MTOR: variants seen among roughly 807,000 people sequenced by gnomAD.
MTOR encodes serine/threonine-protein kinase mTOR.
Under a neutral mutation model 319.8 loss-of-function variants are expected in MTOR, and 70 were observed. The ratio of observed to expected loss-of-function variants is 0.22; its 90% CI spans 0.18 to 0.27. The LOEUF (loss-of-function observed/expected upper bound fraction) is 0.27. Ranked by LOEUF, MTOR falls within the 10% of genes least tolerant of loss-of-function variation. MTOR has a pLI of 1.00. For missense variants in MTOR, 1,890 were observed against 3,274.4 expected (o/e 0.58, Z 10.32); for synonymous variants, 1,183 against 1,211.4 (o/e 0.98, Z 0.49).
intron 19 of MTOR, among the ~76,000 whole-genome samples, chr1:11,223,808 G>A (rs1646743835): frequency 6.6e-6 from 1 of 152,132 alleles, no homozygotes; most frequent in Non-Finnish European, 1.5e-5. Flanking sequence ...GGGAGGCCGA[G>A]ACGGGTGGAT....
At chr1:11,253,580 C>T (rs1046402159) in intron 6 of MTOR, among the ~76,000 whole-genome samples, 3 of 152,166 alleles carry the variant, frequency 2.0e-5, no homozygotes, top group East Asian at 1.9e-4. Context: ...TCCTTCGTGT[C>T]ATGTGGACCC....
Position 11,238,044 on chromosome 1 carries a change from AG to A in MTOR, c.2006del (p.Pro669LeufsTer32). On this transcript the variant is annotated frameshift_variant, in exon 13 of 58. Transcript: ENST00000361445. LOFTEE classifies it high-confidence loss of function. ...ACGCCAAGACACAGTAGCGAATGTC[AG>A]GGTCTGCAAGAGCAATGGAGCCTTT... Reference protein sequence around the residue: ...LLVVGITDPDPDIRYCVLASL... With the variant: ...LLVVGITDPDXDIRYCVLASL... 1 of 1,614,176 alleles carries A rather than the reference AG, an allele frequency of 6.2e-7. No individual in the cohort carries two copies. The highest frequency in any genetic ancestry group is 8.5e-7 in the Non-Finnish European group (1 of 1,180,012).
At chr1:11,226,916 C>T (rs529007382) in intron 19 of MTOR, among the ~76,000 whole-genome samples, 10 of 136,858 alleles carry the variant, frequency 7.3e-5, no homozygotes, top group Admixed American at 6.8e-4. Context: ...TTTTCTTCCC[C>T]CCACCCCCGC....
At chr1:11,223,251 C>T (rs756912377) in intron 19 of MTOR, among the ~76,000 whole-genome samples, 1 of 151,218 alleles carries the variant, frequency 6.6e-6, no homozygotes, top group Admixed American at 6.6e-5. Flanking sequence ...CAGATGTAGA[C>T]CTTATATAGA....
rs368312220 is a variant in MTOR at position 11,251,511 on chromosome 1, T to A, written c.840+2328A>T. 3.2e-4 allele frequency among the ~76,000 whole-genome samples: 48 copies of A among 152,346 alleles called. No individual in the cohort carries two copies. The South Asian group carries it at 7.9e-3, about 25-fold the overall frequency. ...CTTGTATATTATCTATCTTCCCTTA[T>A]AAGAATGGAATCTATTTTGTTCACT... is the stretch of plus-strand genomic sequence containing the variant. On this transcript the variant is annotated intron_variant, in intron 6 of 57. Coordinates refer to ENST00000361445, the MANE Select transcript of MTOR (RefSeq NM_004958.4).
intron 28 of MTOR, chr1:11,194,964 T>A: frequency 1.9e-6 from 3 of 1,614,080 alleles, no homozygotes; most frequent in Non-Finnish European, 2.5e-6. Context: ...CTGGCATGGA[T>A]CTACCTACTC....
rs1246053299 is a variant in MTOR, at chr1:11,212,495, C to T, written c.3399-21G>A. On this transcript the variant is annotated intron_variant, in intron 22 of 57. Transcript: ENST00000361445. The surrounding 1 kb of genome is among the most constrained non-coding windows in gnomAD (Gnocchi z 4.1). ...CTGCCCTACAACAATCACTAACATA[C>T]AGTAACTGCTAACATACAATCTCCA... 1 of 1,606,996 alleles carries T rather than the reference C, an allele frequency of 6.2e-7. No individual in the cohort carries two copies. Among genetic ancestry groups the T allele is most frequent in the Non-Finnish European group, 8.5e-7 (1 of 1,177,076 alleles).
chr1:11,109,759 A>G lies in MTOR; in HGVS notation c.7367-30T>C. The G allele has an allele frequency of 1.2e-6, 2 of 1,600,450 alleles. No homozygotes were observed. The highest frequency in any genetic ancestry group is 1.7e-6 in the Non-Finnish European group (2 of 1,167,492). ...GGGAAAAGAAATCAATTAACAGAAA[A>G]TTCAAACACCAAAAAGCCACTGTTG... On this transcript the variant is annotated intron_variant, in intron 54 of 57. Transcript: ENST00000361445. The surrounding 1 kb of genome is among the most constrained non-coding windows in gnomAD (Gnocchi z 4.0).
chr1:11,157,182 C>A lies in MTOR; in HGVS notation c.4439G>T (p.Arg1480Leu), dbSNP rs780930764. 1 of 1,611,812 alleles carries A rather than the reference C, an allele frequency of 6.2e-7. No individual in the cohort carries two copies. The highest frequency in any genetic ancestry group is 8.5e-7 in the Non-Finnish European group (1 of 1,178,864). The change falls in exon 30 of 58, where the codon CGC (arginine) becomes CTC (leucine). Residue 1480 changes from arginine to leucine, a missense_variant. Physicochemically the swap from Arg to Leu is moderately radical, Grantham distance 102. This residue lies in a region of MTOR where 276 missense variants were observed against 459.4 expected (regional missense o/e 0.60). Coordinates refer to ENST00000361445, the MANE Select transcript of MTOR (RefSeq NM_004958.4). ...NKDDPELMLG[R>L]MRCLEALGEW... ...CCCCAAGGCCTCGAGGCAGCGCATG[C>A]GGCCCAGCATCAGCTCTGGGTCGTC...
intron 29 of MTOR, among the ~76,000 whole-genome samples, chr1:11,160,245 T>A (rs550052022): frequency 9.2e-5 from 14 of 152,166 alleles, no homozygotes; most frequent in South Asian, 2.1e-4. Context: ...TGATTACAGG[T>A]ATGCACCACC....
At position 11,146,662 on chromosome 1, in the gene MTOR, A is replaced by G. The variant is rs1557773033; in HGVS notation, c.4686+14T>C. 1.9e-6 allele frequency: 3 copies of G among 1,599,384 alleles called. No individual in the cohort carries two copies. Among genetic ancestry groups the G allele is most frequent in the Middle Eastern group, 3.3e-4 (2 of 6,046 alleles). On this transcript the variant is annotated intron_variant, in intron 32 of 57. Coordinates refer to ENST00000361445, the MANE Select transcript of MTOR (RefSeq NM_004958.4). ...TTTCCTCACTGAGAGATCTGGGTGCATGTAGGTTTTTACCTGTTGTGCCAA... is the reference window on the plus strand; with the variant it reads ...TTTCCTCACTGAGAGATCTGGGTGCGTGTAGGTTTTTACCTGTTGTGCCAA...
intron 11 of MTOR, among the ~76,000 whole-genome samples, chr1:11,239,284 T>C (rs1647653727): frequency 6.6e-6 from 1 of 152,218 alleles, no homozygotes; most frequent in African/African-American, 2.4e-5. Context: ...TTACCTTGCC[T>C]CTTTTAGTTC....
chr1:11,184,137 G>T (rs368968663), intron 28 of MTOR, among the ~76,000 whole-genome samples: 3 of 152,174 alleles, frequency 2.0e-5, no homozygotes, highest in African/African-American at 7.2e-5. Context: ...AAATACCTTG[G>T]TTATTTAACC....
intron 47 of MTOR, among the ~76,000 whole-genome samples, chr1:11,124,106 A>C (rs978454966): frequency 6.6e-6 from 1 of 152,090 alleles, no homozygotes; most frequent in Non-Finnish European, 1.5e-5. Flanking sequence ...AATTTTTTTA[A>C]ATAAATAGTG....
intron 6 of MTOR, 21 bp downstream of exon 6, chr1:11,253,818 C>T (rs770073568): frequency 1.1e-5 from 17 of 1,613,816 alleles, no homozygotes; most frequent in Non-Finnish European, 1.4e-5. Flanking sequence ...GCCTGGACTC[C>T]CCTCTGCCGT....
At chr1:11,261,395 C>G (rs1412045915) in intron 1 of MTOR, among the ~76,000 whole-genome samples, 1 of 151,770 alleles carries the variant, frequency 6.6e-6, no homozygotes, top group Non-Finnish European at 1.5e-5. Flanking sequence ...TGGCGGGAAC[C>G]CGGGAGGCGG....
chr1:11,128,402 C>A lies in MTOR; in HGVS notation c.5910+52G>T. The A allele has an allele frequency of 6.4e-7, 1 of 1,572,840 alleles. No homozygotes were observed. Among genetic ancestry groups the A allele is most frequent in the Non-Finnish European group, 8.7e-7 (1 of 1,143,736 alleles). On this transcript the variant is annotated intron_variant, in intron 42 of 57. Transcript: ENST00000361445. This position sits in a 1 kb window ranked among gnomAD's most constrained non-coding sequence, Gnocchi z 5.3. ...GTCGCCAGGGCAGCTTTTGGAAAGG[C>A]TGACCACCAAACCAGTGGTTAGATG...
intron 19 of MTOR, among the ~76,000 whole-genome samples, chr1:11,225,550 T>C (rs1569657446): frequency 1.3e-5 from 2 of 151,550 alleles, no homozygotes; most frequent in Admixed American, 1.3e-4. Flanking sequence ...GCCTCTTGAG[T>C]AGCTGGGATT....
chr1:11,175,551 G>A (rs959108598), intron 28 of MTOR, among the ~76,000 whole-genome samples: 1 of 152,184 alleles, frequency 6.6e-6, no homozygotes, highest in Non-Finnish European at 1.5e-5. Flanking sequence ...CCATTACGCT[G>A]AACATCTTAT....
Sources: gnomAD v4.1 joint callset for allele counts (sites outside exome capture counted in the v4.1 genomes callset) on GRCh38, gnomAD v4.1.1 for gene constraint, gnomAD v4.1.1 regional missense constraint, Gnocchi (gnomAD v3.1) non-coding constraint, MANE v1.5 for transcripts, NCBI Gene and HGNC (gene_info 2026-07-23, HGNC 2026-07-21) for gene names.